Variants in TGFA observed in about 807,000 individuals in gnomAD.
TGFA encodes the protein transforming growth factor alpha.
In TGFA, 12 loss-of-function variants were observed where a neutral mutation model predicts 21.7. That is an observed-to-expected ratio of 0.55 (90% CI 0.35 to 0.90). The LOEUF is 0.90. Ranked by LOEUF, TGFA falls within the 40% of genes least tolerant of loss-of-function variation. The pLI is 0.01. For missense variants in TGFA, 178 were observed against 210.8 expected (o/e 0.84, Z 0.96); for synonymous variants, 79 against 88.1 (o/e 0.90, Z 0.58).
At chr2:70,521,609 GTTTGTTTGT>G (rs1378068814) in intron 1 of TGFA, among the ~76,000 whole-genome samples, 1 of 78,876 alleles carries the variant, frequency 1.3e-5, no homozygotes, top group Non-Finnish European at 2.4e-5. Flanking sequence ...TTTTGTTGTT[GTTTGTTTGT>G]TTTTTTTTTT....
intron 2 of TGFA, among the ~76,000 whole-genome samples, chr2:70,512,065 G>C (rs1672120396): frequency 6.6e-6 from 1 of 152,096 alleles, no homozygotes; most frequent in Non-Finnish European, 1.5e-5. Flanking sequence ...ACCAGGGCCT[G>C]AGCAGTCCTC....
intron 2 of TGFA, among the ~76,000 whole-genome samples, chr2:70,492,993 C>A (rs1553497912): frequency 6.6e-6 from 1 of 152,100 alleles, no homozygotes; most frequent in East Asian, 1.9e-4. Flanking sequence ...AAATGTAGCC[C>A]TCATTCCCTA....
chr2:70,524,523 G>T (rs936860357), intron 1 of TGFA, among the ~76,000 whole-genome samples: 13 of 152,354 alleles, frequency 8.5e-5, no homozygotes, highest in African/African-American at 2.9e-4. Flanking sequence ...GGGCTGGCTG[G>T]AGTTCCCCAG....
intron 1 of TGFA, among the ~76,000 whole-genome samples, chr2:70,529,349 G>A (rs1273278679): frequency 2.6e-5 from 4 of 152,228 alleles, no homozygotes; most frequent in Non-Finnish European, 5.9e-5. Flanking sequence ...GCACCTTGTG[G>A]AATCTAGGTG....
At chr2:70,553,419 C>T in intron 1 of TGFA, 1 of 1,433,480 alleles carries the variant, frequency 7.0e-7, no homozygotes, top group South Asian at 1.5e-5. Context: ...AGGCATGTGT[C>T]TGAGCAGACA....
rs1669982852 is a variant in TGFA at position 70,449,436 on chromosome 2, A to G, written c.*1423T>C. 1 of 155,446 alleles carries G rather than the reference A, an allele frequency of 6.4e-6. No individual in the cohort carries two copies. Among genetic ancestry groups the G allele is most frequent in the African/African-American group, 2.4e-5 (1 of 41,536 alleles). The allele number at this position is 155,446 out of a possible 1,614,324, so 9.6% of individuals were successfully genotyped here. ...TTCATTACTCTGTTTCCAAATTTTA[A>G]TGAAAATTCCTAGGGATGAGCTATC... On this transcript the variant is annotated 3_prime_UTR_variant, in exon 6 of 6. Transcript: ENST00000295400.
intron 2 of TGFA, among the ~76,000 whole-genome samples, chr2:70,491,998 A>C (rs576625577): frequency 6.6e-6 from 1 of 152,352 alleles, no homozygotes; most frequent in South Asian, 2.1e-4. Context: ...CTTGTGCAGG[A>C]ATACTTGGCT....
chr2:70,504,475 T>TATAC (rs1559124137), intron 2 of TGFA, among the ~76,000 whole-genome samples: 61 of 83,806 alleles, frequency 7.3e-4, no homozygotes, highest in African/African-American at 3.0e-3. Context: ...CACACATACA[T>TATAC]ACATACATAC....
intron 1 of TGFA, 150 bp from the exon 2 acceptor site, chr2:70,515,062 A>G: frequency 1.5e-6 from 1 of 667,736 alleles, no homozygotes; most frequent in Admixed American, 2.8e-5. Context: ...ATTTGTGGAT[A>G]TCAGTGCAAA....
At chr2:70,477,537 T>C (rs782067647) in intron 2 of TGFA, among the ~76,000 whole-genome samples, 2 of 152,204 alleles carry the variant, frequency 1.3e-5, no homozygotes, top group Non-Finnish European at 2.9e-5. Flanking sequence ...AAGTCCTTTT[T>C]CTCCTGAGAA....
At chr2:70,520,963 C>T (rs1266562252) in intron 1 of TGFA, among the ~76,000 whole-genome samples, 5 of 152,036 alleles carry the variant, frequency 3.3e-5, no homozygotes, top group Admixed American at 3.3e-4. Context: ...CCAAGCCCTC[C>T]TACACACCCA....
chr2:70,499,317 C>T (rs1259516503), intron 2 of TGFA, among the ~76,000 whole-genome samples: 3 of 152,208 alleles, frequency 2.0e-5, no homozygotes, highest in South Asian at 2.1e-4. Context: ...CATAACTAGG[C>T]GGGAGTACCC....
intron 2 of TGFA, among the ~76,000 whole-genome samples, chr2:70,505,490 G>A (rs1290625275): frequency 6.6e-6 from 1 of 152,150 alleles, no homozygotes; most frequent in Non-Finnish European, 1.5e-5. Context: ...AGAGCACCAG[G>A]AAGATGCATT....
chr2:70,504,463 T>C lies in TGFA; in HGVS notation c.94+10396A>G, dbSNP rs868933391. 4.4e-3 allele frequency among the ~76,000 whole-genome samples: 217 copies of C among 48,972 alleles called. 7 individuals carry two copies. The highest frequency in any genetic ancestry group is 0.014 in the South Asian group (25 of 1,822). The allele number at this position is 48,972 out of a possible 152,430, so 32.1% of individuals were successfully genotyped here. The stretch of plus-strand genomic sequence containing the variant: ...ATATATATATATATATATATATATA[T>C]ACACACATACATACATACATACACA... On this transcript the variant is annotated intron_variant, in intron 2 of 5. Coordinates refer to ENST00000295400, the MANE Select transcript of TGFA (RefSeq NM_003236.4).
chr2:70,487,190 C>G (rs1203476404), intron 2 of TGFA, among the ~76,000 whole-genome samples: 1 of 152,114 alleles, frequency 6.6e-6, no homozygotes, highest in African/African-American at 2.4e-5. Flanking sequence ...CACAGATAAC[C>G]ACTATTAAAA....
chr2:70,504,467 CACAT>C (rs1308758543), intron 2 of TGFA, among the ~76,000 whole-genome samples: 17 of 82,882 alleles, frequency 2.1e-4, no homozygotes, highest in Admixed American at 3.9e-4. Context: ...TATATATACA[CACAT>C]ACATACATAC....
intron 3 of TGFA, among the ~76,000 whole-genome samples, chr2:70,458,618 C>A (rs1324121020): frequency 6.6e-6 from 1 of 152,220 alleles, no homozygotes; most frequent in Non-Finnish European, 1.5e-5. Context: ...CTCCGGCTAC[C>A]TTTTCCACCT....
In TGFA at chr2:70,504,495, C is replaced by T. The variant is rs186887767; in HGVS notation, c.94+10364G>A. Among the ~76,000 whole-genome samples, 377 of 117,962 alleles carry T rather than the reference C, an allele frequency of 3.2e-3. 9 individuals carry two copies. The East Asian group carries it at 0.066, about 21-fold the overall frequency. 77.4% of individuals were successfully genotyped at this position (117,962 alleles called of 152,430 possible). On this transcript the variant is annotated intron_variant, in intron 2 of 5. Coordinates refer to ENST00000295400, the MANE Select transcript of TGFA (RefSeq NM_003236.4). ...ATACATACATACATACACACACACA[C>T]ACACACACACACACACACACACAGA...
chr2:70,493,983 A>G (rs1436607538), intron 2 of TGFA, among the ~76,000 whole-genome samples: 1 of 152,182 alleles, frequency 6.6e-6, no homozygotes, highest in African/African-American at 2.4e-5. Flanking sequence ...ATTATCTCAC[A>G]TTTCTGGATG....
Sources: gnomAD v4.1 joint callset for allele counts (sites outside exome capture counted in the v4.1 genomes callset) on GRCh38, gnomAD v4.1.1 for gene constraint, MANE v1.5 for transcripts, NCBI Gene and HGNC (gene_info 2026-07-23, HGNC 2026-07-21) for gene names.